Variants in DLG1 observed in about 807,000 individuals in gnomAD.
The protein encoded by DLG1 is disks large homolog 1.
In DLG1, 42 loss-of-function variants were observed where a neutral mutation model predicts 123.4. That is an observed-to-expected ratio of 0.34 (90% CI 0.27 to 0.44). The LOEUF is 0.44. Ranked by LOEUF, DLG1 falls within the 20% of genes least tolerant of loss-of-function variation. The pLI is 1.00. For missense variants in DLG1, 942 were observed against 1,082.6 expected, an observed-to-expected ratio of 0.87 and a Z score of 1.82; for synonymous variants, 317 against 356.2, an observed-to-expected ratio of 0.89 and a Z score of 1.24.
chr3:197,179,811 GACAA>G (rs1467391834), intron 5 of DLG1, among the ~76,000 whole-genome samples: 1 of 152,064 alleles, frequency 6.6e-6, no homozygotes, highest in African/African-American at 2.4e-5. Flanking sequence ...ATCTGTTTCA[GACAA>G]ACAATATTTT....
chr3:197,206,531 C>T (rs1240778628), intron 4 of DLG1, among the ~76,000 whole-genome samples: 11 of 152,094 alleles, frequency 7.2e-5, no homozygotes, highest in Admixed American at 3.9e-4. Context: ...AACTCCTGAG[C>T]TCAAAGCGAT....
At chr3:197,226,166 C>T (rs1160102149) in intron 4 of DLG1, 1 of 152,156 alleles carries the variant, frequency 6.6e-6, no homozygotes, top group Non-Finnish European at 1.5e-5. Flanking sequence ...AATTAAAATG[C>T]TGTTTCTTTT....
chr3:197,115,254 G>A (rs1324118426), intron 13 of DLG1, among the ~76,000 whole-genome samples: 1 of 152,024 alleles, frequency 6.6e-6, no homozygotes, highest in Non-Finnish European at 1.5e-5. Context: ...GTTTCCCAAA[G>A]TCTGTGTGTC....
intron 4 of DLG1, among the ~76,000 whole-genome samples, chr3:197,212,506 GT>G (rs1426188893): frequency 6.6e-6 from 1 of 152,220 alleles, no homozygotes; most frequent in Non-Finnish European, 1.5e-5. Context: ...GGAAGAATCT[GT>G]TCCGTGCCTC....
chr3:197,181,642 T>C (rs1712042919), intron 5 of DLG1, among the ~76,000 whole-genome samples: 1 of 152,118 alleles, frequency 6.6e-6, no homozygotes, highest in African/African-American at 2.4e-5. Flanking sequence ...TTAAGATATA[T>C]AAACTATCCA....
At chr3:197,297,455 C>T (rs923914131) in intron 1 of DLG1, 37 of 1,365,758 alleles carry the variant, frequency 2.7e-5, no homozygotes, top group African/African-American at 7.4e-5. Context: ...CAGAAGTCGG[C>T]TTCCAAACTC....
intron 4 of DLG1, among the ~76,000 whole-genome samples, chr3:197,210,641 G>A (rs1730848330): frequency 7.1e-6 from 1 of 141,480 alleles, no homozygotes; most frequent in Non-Finnish European, 1.6e-5. Flanking sequence ...ATATATATAA[G>A]TCTTTATAAG....
chr3:197,055,760 TTC>T (rs1420691411), intron 23 of DLG1, among the ~76,000 whole-genome samples: 3 of 152,144 alleles, frequency 2.0e-5, no homozygotes, highest in African/African-American at 7.2e-5. Flanking sequence ...TTAATATTTT[TTC>T]TTTCTCCTCA....
At chr3:197,192,750 G>GGGT (rs1720318236) in intron 5 of DLG1, among the ~76,000 whole-genome samples, 1 of 152,128 alleles carries the variant, frequency 6.6e-6, no homozygotes, top group Admixed American at 6.5e-5. Flanking sequence ...AGAGGGGTAA[G>GGGT]GGTGGTGGCA....
chr3:197,087,046 C>T (rs1004636636), intron 15 of DLG1, among the ~76,000 whole-genome samples: 1 of 152,116 alleles, frequency 6.6e-6, no homozygotes, highest in Non-Finnish European at 1.5e-5. Context: ...CGTAAGAGTG[C>T]AATGAACATC....
rs929165274 is a variant in DLG1, at chr3:197,204,922, G to A, written c.319-10333C>T. ...AATAAAAAAAGCATTAAAAATCCCC[G>A]AAACCACTGACAGCAATCGCCAAAA... On this transcript the variant is annotated intron_variant, in intron 4 of 24. Transcript: ENST00000667157. 1.4e-4 allele frequency among the ~76,000 whole-genome samples: 21 copies of A among 152,124 alleles called. No individual in the cohort carries two copies. The South Asian group carries it at 4.1e-3, about 30-fold the overall frequency.
At chr3:197,275,439 C>A (rs576775311) in intron 4 of DLG1, among the ~76,000 whole-genome samples, 9 of 152,218 alleles carry the variant, frequency 5.9e-5, no homozygotes, top group Admixed American at 5.9e-4. Context: ...GAGAGATCTA[C>A]ATGCCCATGT....
intron 14 of DLG1, among the ~76,000 whole-genome samples, chr3:197,093,950 G>A (rs1041307509): frequency 2.0e-5 from 3 of 152,152 alleles, no homozygotes; most frequent in Non-Finnish European, 2.9e-5. Context: ...AATCCCGTAT[G>A]ACTTTCAAGG....
intron 22 of DLG1, among the ~76,000 whole-genome samples, chr3:197,060,993 G>A (rs1272939328): frequency 1.3e-5 from 2 of 152,082 alleles, no homozygotes; most frequent in East Asian, 3.9e-4. Flanking sequence ...TTGTACAGAT[G>A]GGGTTTCACC....
chr3:197,101,636 G>T (rs1162937490), intron 14 of DLG1, among the ~76,000 whole-genome samples: 1 of 152,062 alleles, frequency 6.6e-6, no homozygotes. Flanking sequence ...TGATCTGCCC[G>T]CCTAGGCCTC....
intron 10 of DLG1, among the ~76,000 whole-genome samples, chr3:197,133,528 A>C (rs772443139): frequency 2.0e-5 from 3 of 152,216 alleles, no homozygotes; most frequent in Non-Finnish European, 4.4e-5. Flanking sequence ...TAGATACCTG[A>C]CACAAGAGCT....
At position 197,091,975 on chromosome 3, in the gene DLG1, A is replaced by G. The variant is rs573972589; in HGVS notation, c.1547-949T>C. Among the ~76,000 whole-genome samples, 7 of 152,322 alleles carry G rather than the reference A, an allele frequency of 4.6e-5. No homozygotes were observed. In the South Asian group the frequency reaches 1.4e-3, roughly 32 times the overall value. On this transcript the variant is annotated intron_variant, in intron 14 of 24. Coordinates refer to ENST00000667157, the MANE Select transcript of DLG1 (RefSeq NM_001366207.1). The stretch of plus-strand genomic sequence containing the variant: ...TTTTACGGATAATAAGCTCAACTGA[A>G]GCAACAATTCATCAAAAAGCTTAGA...
chr3:197,169,293 G>A (rs1802921366), intron 5 of DLG1, among the ~76,000 whole-genome samples: 1 of 152,150 alleles, frequency 6.6e-6, no homozygotes. Flanking sequence ...TTCATTATGT[G>A]CATATGAACC....
chr3:197,195,863 C>T (rs1327952116), intron 4 of DLG1, among the ~76,000 whole-genome samples: 1 of 151,728 alleles, frequency 6.6e-6, no homozygotes, highest in Non-Finnish European at 1.5e-5. Context: ...ACATATGTAC[C>T]CCCTGAACTT....
Sources: gnomAD v4.1 joint callset for allele counts (sites outside exome capture counted in the v4.1 genomes callset) on GRCh38, gnomAD v4.1.1 for gene constraint, MANE v1.5 for transcripts, NCBI Gene and HGNC (gene_info 2026-07-23, HGNC 2026-07-21) for gene names.